The following UBE2O variants were observed in gnomAD, a reference collection of about 807,000 sequenced individuals.
UBE2O encodes (E3-independent) E2 ubiquitin-conjugating enzyme.
In UBE2O, 15 loss-of-function variants were observed where a neutral mutation model predicts 125.8. The observed-to-expected ratio is 0.12, with a 90% CI of 0.08 to 0.18. The LOEUF (loss-of-function observed/expected upper bound fraction) is 0.18, where lower values mean the gene tolerates loss of function less well. Among genes scored for constraint, UBE2O ranks in the 10% least tolerant of loss-of-function variants. The pLI is 1.00. For synonymous variants in UBE2O, 708 were observed against 703.2 expected, an observed-to-expected ratio of 1.01 and a Z score of -0.11; for missense variants, 1,280 against 1,723.6, an observed-to-expected ratio of 0.74 and a Z score of 4.56.
At chr17:76,445,478 T>C (rs1462961013) in intron 1 of UBE2O, among the ~76,000 whole-genome samples, 2 of 152,196 alleles carry the variant, frequency 1.3e-5, no homozygotes, top group Admixed American at 1.3e-4. Flanking sequence ...CCAATCCTTA[T>C]TGCCCACTGA....
In UBE2O at chr17:76,398,915, G is replaced by T; in HGVS notation, c.1705C>A (p.Arg569Ser). Residue 569 changes from arginine to serine, a missense_variant, in exon 10 of 18, where the codon CGC becomes AGC. Arg to Ser is a moderately radical substitution (Grantham distance 110). Around this residue, in one of 10 missense-constraint regions of UBE2O, gnomAD observed 145 missense variants for 219.6 expected, o/e 0.66. Coordinates refer to ENST00000319380, the MANE Select transcript of UBE2O (RefSeq NM_022066.4). This position sits in a 1 kb window ranked among gnomAD's most constrained non-coding sequence, Gnocchi z 5.4. ...TGCACAGGGAAGAGGTCGTTGGAGCGGATGTTGCATTCCACGGAGCCATCC... is the reference window on the plus strand; with the variant it reads ...TGCACAGGGAAGAGGTCGTTGGAGCTGATGTTGCATTCCACGGAGCCATCC... Reference protein sequence around the residue: ...WQDGSVECNIRSNDLFPVHHL... With the variant: ...WQDGSVECNISSNDLFPVHHL... 1.2e-6 allele frequency: 2 copies of T among 1,614,176 alleles called. No homozygotes were observed. The highest frequency in any genetic ancestry group is 8.5e-7 in the Non-Finnish European group (1 of 1,180,034).
rs1272570824 is a variant in UBE2O, at chr17:76,396,161, C to T, written c.2776G>A (p.Gly926Ser). 6.2e-7 allele frequency: 1 copy of T among 1,613,088 alleles called. No homozygotes were observed. The highest frequency in any genetic ancestry group is 8.5e-7 in the Non-Finnish European group (1 of 1,179,466). The change falls in exon 14 of 18, where the codon GGC becomes AGC. Residue 926 changes from glycine (G) to serine (S), a missense_variant. By Grantham distance (56) the Gly-to-Ser change is moderately conservative. Coordinates refer to ENST00000319380, the MANE Select transcript of UBE2O (RefSeq NM_022066.4). This position sits in a 1 kb window ranked among gnomAD's most constrained non-coding sequence, Gnocchi z 6.7. ...AACTCCAGTACGGAGAAGACCTCGC[C>T]CTTGGCGCTGGTGAAGGTGACGCCA... ...KPGVTFTSAKGEVFSVLEFAP... is the reference protein window; with the variant it reads ...KPGVTFTSAKSEVFSVLEFAP...
Position 76,398,241 on chromosome 17 carries a change from A to G in UBE2O, c.2025+14T>C. On this transcript the variant is annotated intron_variant, in intron 12 of 17. Coordinates refer to ENST00000319380, the MANE Select transcript of UBE2O (RefSeq NM_022066.4). The surrounding 1 kb of genome is among the most constrained non-coding windows in gnomAD (Gnocchi z 5.4). ...CAGTGAGCAGCCATCCAGAACTTGA[A>G]TTTGAAGGCGTACCTCATCCTCCTT... 6.2e-7 allele frequency: 1 copy of G among 1,614,116 alleles called. No individual in the cohort carries two copies. Among genetic ancestry groups the G allele is most frequent in the Middle Eastern group, 1.7e-4 (1 of 6,056 alleles).
In UBE2O at chr17:76,391,261, A is replaced by C. The variant is rs1359477953; in HGVS notation, c.3561T>G (p.Asp1187Glu). The C allele has an allele frequency of 6.2e-7, 1 of 1,613,192 alleles. No individual in the cohort carries two copies. Among genetic ancestry groups the C allele is most frequent in the Admixed American group, 1.7e-5 (1 of 60,030 alleles). Residue 1187 changes from aspartate to glutamate, a missense_variant, in exon 18 of 18, where the codon GAT becomes GAG. Transcript: ENST00000319380. The surrounding 1 kb of genome is among the most constrained non-coding windows in gnomAD (Gnocchi z 8.4). Reference sequence around the variant, plus strand: ...AGGCCTCTCCTGGGGCTGGCCCTCCATCCTCAGGTTCTTGTTGGCCGGAGT... The same window carrying C: ...AGGCCTCTCCTGGGGCTGGCCCTCCCTCCTCAGGTTCTTGTTGGCCGGAGT... ...LSDSGQQEPE[D>E]GGPAPGEASQ...
intron 1 of UBE2O, among the ~76,000 whole-genome samples, chr17:76,419,308 A>T (rs913958173): frequency 7.0e-6 from 1 of 143,086 alleles, no homozygotes; most frequent in African/African-American, 2.6e-5. Flanking sequence ...AAAAAAAAAA[A>T]TCCCTTTCTC....
chr17:76,416,250 G>GTATGTA (rs1300402825), intron 1 of UBE2O, among the ~76,000 whole-genome samples: 1 of 150,400 alleles, frequency 6.6e-6, no homozygotes, highest in Non-Finnish European at 1.5e-5. Context: ...GTGTGTATAT[G>GTATGTA]TATGTATATG....
intron 1 of UBE2O, among the ~76,000 whole-genome samples, chr17:76,419,519 A>G (rs993259863): frequency 2.0e-5 from 3 of 152,068 alleles, no homozygotes; most frequent in Admixed American, 2.0e-4. Flanking sequence ...ACCCTTCGGC[A>G]CTCCCTGACA....
At chr17:76,401,941 G>A (rs2072333454) in intron 5 of UBE2O, 123 bp downstream of exon 5, 1 of 827,910 alleles carries the variant, frequency 1.2e-6, no homozygotes, top group African/African-American at 1.8e-5. Context: ...ACCCTCTGGC[G>A]CGCACCCGCC....
Position 76,390,836 on chromosome 17 carries a change from T to G in UBE2O, c.*107A>C. On this transcript the variant is annotated 3_prime_UTR_variant, in exon 18 of 18. Coordinates refer to ENST00000319380, the MANE Select transcript of UBE2O (RefSeq NM_022066.4). ...CCTTGGGGAGAAGAGGGCAGTGGGTTTGCAGTGGGGACAGAGGGGCATGGG... is the reference window on the plus strand; with the variant it reads ...CCTTGGGGAGAAGAGGGCAGTGGGTGTGCAGTGGGGACAGAGGGGCATGGG... The G allele has an allele frequency of 8.6e-7, 1 of 1,168,296 alleles. No individual in the cohort carries two copies. The allele number at this position is 1,168,296 out of a possible 1,614,324, so 72.4% of individuals were successfully genotyped here.
At chr17:76,417,078 C>G (rs1196864238) in intron 1 of UBE2O, among the ~76,000 whole-genome samples, 1 of 152,232 alleles carries the variant, frequency 6.6e-6, no homozygotes, top group Non-Finnish European at 1.5e-5. Context: ...CACCAGATGC[C>G]TCATCAGGGG....
chr17:76,446,004 G>A (rs1053601614), intron 1 of UBE2O, among the ~76,000 whole-genome samples: 1 of 152,198 alleles, frequency 6.6e-6, no homozygotes, highest in Admixed American at 6.5e-5. Context: ...TAAAAATACC[G>A]AGATCCTATT....
rs778607011 is a variant in UBE2O at position 76,402,175 on chromosome 17, TACC to T, written c.687-51_687-49del. The T allele has an allele frequency of 6.3e-7, 1 of 1,589,058 alleles. No homozygotes were observed. The highest frequency in any genetic ancestry group is 1.8e-5 in the Admixed American group (1 of 56,562). On this transcript the variant is annotated intron_variant, in intron 4 of 17. Transcript: ENST00000319380. The surrounding 1 kb of genome is among the most constrained non-coding windows in gnomAD (Gnocchi z 5.4). ...GGTCTCCACCAGGGGACACAGTGAGTACCAAAAAGTTGCGATTCTGAGATGCCA... is the reference window on the plus strand; with the variant it reads ...GGTCTCCACCAGGGGACACAGTGAGTAAAAAGTTGCGATTCTGAGATGCCA...
rs1355913518 is a variant in UBE2O at position 76,400,871 on chromosome 17, C to T, written c.894+140G>A. 1.8e-6 allele frequency: 2 copies of T among 1,088,816 alleles called. No homozygotes were observed. The highest frequency in any genetic ancestry group is 1.6e-5 in the African/African-American group (1 of 63,354). The allele number at this position is 1,088,816 out of a possible 1,614,324, so 67.4% of individuals were successfully genotyped here. A position where few individuals can be genotyped will look rare whatever the true frequency, so the allele number is the denominator to read the frequency against. On this transcript the variant is annotated intron_variant, in intron 6 of 17. Coordinates refer to ENST00000319380, the MANE Select transcript of UBE2O (RefSeq NM_022066.4). This position sits in a 1 kb window ranked among gnomAD's most constrained non-coding sequence, Gnocchi z 4.3. ...CCAGAGCCTGGGTTCCCTTTATCCC[C>T]AAAGCCCTTTGAGATCAACAGGGTC...
At chr17:76,426,850 A>G (rs1478436190) in intron 1 of UBE2O, among the ~76,000 whole-genome samples, 1 of 151,978 alleles carries the variant, frequency 6.6e-6, no homozygotes, top group Non-Finnish European at 1.5e-5. Flanking sequence ...TACTGTCCGC[A>G]TTTCTCCTTT....
Position 76,410,897 on chromosome 17 carries a change from A to G in UBE2O, c.418-5325T>C, listed in dbSNP as rs1375213859. 6.6e-6 allele frequency among the ~76,000 whole-genome samples: 1 copy of G among 152,224 alleles called. No individual in the cohort carries two copies. Among genetic ancestry groups the G allele is most frequent in the Non-Finnish European group, 1.5e-5 (1 of 68,038 alleles). On this transcript the variant is annotated intron_variant, in intron 1 of 17. Coordinates refer to ENST00000319380, the MANE Select transcript of UBE2O (RefSeq NM_022066.4). This position sits in a 1 kb window ranked among gnomAD's most constrained non-coding sequence, Gnocchi z 4.0. ...GCTCCTGGTCCAGACTCTCATTCAT[A>G]ACACTGACCTTGACTGACCAGGTGG...
chr17:76,390,861 G>A lies in UBE2O; in HGVS notation c.*82C>T. The A allele has an allele frequency of 7.1e-7, 1 of 1,416,576 alleles. No individual in the cohort carries two copies. The highest frequency in any genetic ancestry group is 9.5e-7 in the Non-Finnish European group (1 of 1,047,158). The allele number at this position is 1,416,576 out of a possible 1,614,324, so 87.8% of individuals were successfully genotyped here. A position where few individuals can be genotyped will look rare whatever the true frequency, so the allele number is the denominator to read the frequency against. On this transcript the variant is annotated 3_prime_UTR_variant, in exon 18 of 18. Transcript: ENST00000319380. ...TTGCAGTGGGGACAGAGGGGCATGG[G>A]AAGAGGGGTGATTCCGGGGGGGAGT...
chr17:76,449,066 G>C (rs965415915), intron 1 of UBE2O, among the ~76,000 whole-genome samples: 6 of 152,260 alleles, frequency 3.9e-5, no homozygotes, highest in African/African-American at 1.2e-4. Flanking sequence ...TAGCTTCATG[G>C]AAGAACTTAC....
chr17:76,396,756 G>A lies in UBE2O; in HGVS notation c.2181C>T (p.Ser727=), dbSNP rs112073899. 4,367 of 1,613,500 alleles carry A rather than the reference G, an allele frequency of 2.7e-3. 15 individuals are homozygous for A. The highest frequency in any genetic ancestry group is 3.0e-3 in the Non-Finnish European group (3,535 of 1,179,700). The change falls in exon 14 of 18, where the codon AGC becomes AGT. Residue 727 remains serine (S), a synonymous_variant. Coordinates refer to ENST00000319380, the MANE Select transcript of UBE2O (RefSeq NM_022066.4). This position sits in a 1 kb window ranked among gnomAD's most constrained non-coding sequence, Gnocchi z 6.7. The stretch of plus-strand genomic sequence containing the variant: ...CTTCCCATTCATCCGAGGATGCCCC[G>A]CTGGTGCTGCCTTCTACCGAATCGT... The part of the protein sequence containing the change: ...SDYDSVEGST[S]GASSDEWEDD...
rs770383488 is a variant in UBE2O, at chr17:76,391,398, T to A, written c.3424A>T (p.Ile1142Phe). The change falls in exon 18 of 18, where the codon ATC becomes TTC. Residue 1142 changes from isoleucine (I) to phenylalanine (F), a missense_variant. Transcript: ENST00000319380. This position sits in a 1 kb window ranked among gnomAD's most constrained non-coding sequence, Gnocchi z 8.4. ...GCATGGGTTTCCAGCCAGGACTCGATACGGTTCACCAGCCGCCAGCCACCA... is the reference window on the plus strand; with the variant it reads ...GCATGGGTTTCCAGCCAGGACTCGAAACGGTTCACCAGCCGCCAGCCACCA... ...STGGWRLVNR[I>F]ESWLETHALL... 6.2e-7 allele frequency: 1 copy of A among 1,613,448 alleles called. No individual in the cohort carries two copies. The highest frequency in any genetic ancestry group is 8.5e-7 in the Non-Finnish European group (1 of 1,180,020).
Sources: allele counts gnomAD v4.1 joint callset (sites outside exome capture counted in the v4.1 genomes callset), GRCh38; gene constraint gnomAD v4.1.1; regional missense constraint gnomAD v4.1.1; non-coding constraint Gnocchi (gnomAD v3.1); transcripts MANE v1.5; gene names NCBI Gene and HGNC (gene_info 2026-07-23, HGNC 2026-07-21).